Variants in ZDHHC20 observed in about 807,000 individuals in gnomAD.
The protein encoded by ZDHHC20 is palmitoyltransferase ZDHHC20.
A neutral mutation model predicts 57.8 loss-of-function variants in ZDHHC20; 43 were observed. The ratio of observed to expected loss-of-function variants is 0.74; its 90% CI spans 0.58 to 0.96. The LOEUF (loss-of-function observed/expected upper bound fraction) is 0.96. Among genes scored for constraint, ZDHHC20 ranks in the 40% least tolerant of loss-of-function variants. The pLI is 0.00. For missense variants in ZDHHC20, 391 were observed against 441.1 expected (o/e 0.89, Z 1.02); for synonymous variants, 157 against 153.0 (o/e 1.03, Z -0.19).
In ZDHHC20 at chr13:21,382,500, ATCC is replaced by A. The variant is rs1472078585; in HGVS notation, c.944+417_944+419del. Among the ~76,000 whole-genome samples the A allele has an allele frequency of 2.0e-5, 3 of 152,334 alleles. No homozygotes were observed. The East Asian group carries it at 5.8e-4, about 29-fold the overall frequency. On this transcript the variant is annotated intron_variant, in intron 10 of 12. Transcript: ENST00000400590. ...TAATGAAAAAAATTTGTATTTTTGA[ATCC>A]TCATTATTTTGATAGTATATTAAAA...
intron 4 of ZDHHC20, among the ~76,000 whole-genome samples, chr13:21,403,742 C>T (rs1051650692): frequency 1.3e-5 from 2 of 152,276 alleles, no homozygotes; most frequent in South Asian, 4.1e-4. Flanking sequence ...GGCTGGAGTG[C>T]AGTTGCACGA....
At chr13:21,405,805 T>C (rs1878356999) in intron 4 of ZDHHC20, among the ~76,000 whole-genome samples, 1 of 152,172 alleles carries the variant, frequency 6.6e-6, no homozygotes, top group African/African-American at 2.4e-5. Context: ...GAAAACCTTA[T>C]ATAAAAAGAT....
intron 1 of ZDHHC20, among the ~76,000 whole-genome samples, chr13:21,450,916 G>A (rs1368048194): frequency 2.6e-5 from 4 of 151,948 alleles, no homozygotes; most frequent in Non-Finnish European, 5.9e-5. Context: ...CACCATGCCT[G>A]GCTAATTTTT....
At chr13:21,452,348 A>G (rs1884524801) in intron 1 of ZDHHC20, among the ~76,000 whole-genome samples, 1 of 152,222 alleles carries the variant, frequency 6.6e-6, no homozygotes, top group Admixed American at 6.5e-5. Flanking sequence ...ATTTTATGAC[A>G]TGCAAACTAT....
At chr13:21,395,074 T>C (rs1432792992) in intron 7 of ZDHHC20, among the ~76,000 whole-genome samples, 4 of 151,432 alleles carry the variant, frequency 2.6e-5, no homozygotes, top group East Asian at 3.9e-4. Context: ...TCTTTCTTTT[T>C]TTTTTTTTTT....
chr13:21,398,074 CA>C (rs1416397575), intron 7 of ZDHHC20, among the ~76,000 whole-genome samples: 1 of 152,110 alleles, frequency 6.6e-6, no homozygotes, highest in Non-Finnish European at 1.5e-5. Flanking sequence ...AATGAAAGAA[CA>C]AAGAGTCTAA....
chr13:21,458,511 C>A (rs1177804495), intron 1 of ZDHHC20, among the ~76,000 whole-genome samples: 1 of 152,160 alleles, frequency 6.6e-6, no homozygotes, highest in Non-Finnish European at 1.5e-5. Flanking sequence ...TGGGAGCTTA[C>A]TCGTCCTCCA....
At position 21,442,074 on chromosome 13, in the gene ZDHHC20, G is replaced by A. The variant is rs74039325; in HGVS notation, c.119-16396C>T. Among the ~76,000 whole-genome samples the A allele has an allele frequency of 4.6e-3, 703 of 151,944 alleles. 10 individuals carry two copies. The highest frequency in any genetic ancestry group is 0.016 in the African/African-American group (662 of 41,428). On this transcript the variant is annotated intron_variant, in intron 1 of 12. Coordinates refer to ENST00000400590, the MANE Select transcript of ZDHHC20 (RefSeq NM_001330059.2). ...CATAAATTTTGTTTACGTTGTTTAC[G>A]TTATGTATCCCTATTTTATTGTTTA...
At chr13:21,450,160 A>G (rs941982901) in intron 1 of ZDHHC20, among the ~76,000 whole-genome samples, 3 of 150,910 alleles carry the variant, frequency 2.0e-5, no homozygotes, top group Admixed American at 6.6e-5. Flanking sequence ...TTCAAGGGAG[A>G]AAAAAAAAGA....
intron 4 of ZDHHC20, among the ~76,000 whole-genome samples, chr13:21,404,786 G>A (rs1413053663): frequency 6.7e-6 from 1 of 149,754 alleles, no homozygotes; most frequent in Non-Finnish European, 1.5e-5. Flanking sequence ...ATGCAGAATA[G>A]AGTTCCCATC....
chr13:21,453,430 C>T (rs981499691), intron 1 of ZDHHC20, among the ~76,000 whole-genome samples: 1 of 152,144 alleles, frequency 6.6e-6, no homozygotes, highest in Non-Finnish European at 1.5e-5. Context: ...AATAACACTA[C>T]CAACTTGCCT....
chr13:21,401,737 C>G, intron 5 of ZDHHC20, 52 bp from the exon 6 acceptor site: 1 of 1,438,960 alleles, frequency 6.9e-7, no homozygotes, highest in Non-Finnish European at 9.2e-7. Flanking sequence ...TCTTCTAATT[C>G]TAACTTCTCA....
chr13:21,416,235 A>G (rs940237059), intron 3 of ZDHHC20, among the ~76,000 whole-genome samples: 9 of 151,470 alleles, frequency 5.9e-5, no homozygotes, highest in Admixed American at 5.9e-4. Context: ...AATGAAGGTT[A>G]TAAAATTATG....
Position 21,374,614 on chromosome 13 carries a change from C to T in ZDHHC20, c.*2082G>A. On this transcript the variant is annotated 3_prime_UTR_variant, in exon 13 of 13. Coordinates refer to ENST00000400590, the MANE Select transcript of ZDHHC20 (RefSeq NM_001330059.2). Reference sequence around the variant, plus strand: ...GAGTTGAAACAAAGGTAGAAGAATCCATACTATAATATCCCAAATTATGTT... The same window carrying T: ...GAGTTGAAACAAAGGTAGAAGAATCTATACTATAATATCCCAAATTATGTT... 1.1e-5 allele frequency: 3 copies of T among 263,362 alleles called. 1 individual carries two copies. The South Asian group carries it at 1.2e-4, about 10-fold the overall frequency. The allele number at this position is 263,362 out of a possible 1,614,324, so 16.3% of individuals were successfully genotyped here.
At chr13:21,441,141 G>A (rs1262250116) in intron 1 of ZDHHC20, among the ~76,000 whole-genome samples, 1 of 152,122 alleles carries the variant, frequency 6.6e-6, no homozygotes, top group Non-Finnish European at 1.5e-5. Context: ...ACAAAAAAAT[G>A]TTTACTGGAA....
chr13:21,410,772 G>GC (rs1879092434), intron 4 of ZDHHC20, among the ~76,000 whole-genome samples: 1 of 152,220 alleles, frequency 6.6e-6, no homozygotes, highest in Non-Finnish European at 1.5e-5. Flanking sequence ...AGAATTTCAA[G>GC]CCAGTGGATC....
In ZDHHC20 at chr13:21,391,845, T is replaced by C. The variant is rs770261967; in HGVS notation, c.604A>G (p.Thr202Ala). 6.2e-7 allele frequency: 1 copy of C among 1,610,148 alleles called. No homozygotes were observed. The highest frequency in any genetic ancestry group is 8.5e-7 in the Non-Finnish European group (1 of 1,178,688). ...ACGTGGAATTTTGCACGTGTATCTGTCAGTTCATTCTGAGGAAAAAAAGAA... is the reference window on the plus strand; with the variant it reads ...ACGTGGAATTTTGCACGTGTATCTGCCAGTTCATTCTGAGGAAAAAAAGAA... The part of the protein sequence containing the change: ...YFIKFWTNEL[T>A]DTRAKFHVLF... Residue 202 changes from threonine (T) to alanine (A), a missense_variant, in exon 8 of 13, where the codon ACA (threonine) becomes GCA (alanine). Thr to Ala is a moderately conservative substitution (Grantham distance 58). Transcript: ENST00000400590.
At chr13:21,378,296 G>A (rs1291901824) in intron 12 of ZDHHC20, among the ~76,000 whole-genome samples, 1 of 152,134 alleles carries the variant, frequency 6.6e-6, no homozygotes, top group Non-Finnish European at 1.5e-5. Flanking sequence ...CTGGACTTAA[G>A]TGATCCTCCC....
Position 21,383,013 on chromosome 13 carries a change from C to T in ZDHHC20, c.855-4G>A. 1 of 1,553,976 alleles carries T rather than the reference C, an allele frequency of 6.4e-7. No homozygotes were observed. Among genetic ancestry groups the T allele is most frequent in the Non-Finnish European group, 8.7e-7 (1 of 1,147,704 alleles). ...AAAACTGCAACCATCACCCAAGCTGCATAATGAAAAAGAGTAATAATTTAA... is the reference window on the plus strand; with the variant it reads ...AAAACTGCAACCATCACCCAAGCTGTATAATGAAAAAGAGTAATAATTTAA... On this transcript the variant is annotated splice_polypyrimidine_tract_variant and splice_region_variant and intron_variant, in intron 9 of 12. Transcript: ENST00000400590.
Sources: gnomAD v4.1 joint callset for allele counts (sites outside exome capture counted in the v4.1 genomes callset) on GRCh38, gnomAD v4.1.1 for gene constraint, MANE v1.5 for transcripts, NCBI Gene and HGNC (gene_info 2026-07-23, HGNC 2026-07-21) for gene names.